SORCS2: variants seen among roughly 807,000 people sequenced by gnomAD.
The protein encoded by SORCS2 is VPS10 domain-containing receptor SorCS2.
SORCS2 carries 100 observed loss-of-function variants against 141.6 expected under a neutral mutation model. That is an observed-to-expected ratio of 0.71 (90% CI 0.60 to 0.83). The LOEUF is 0.83. Among genes scored for constraint, SORCS2 ranks in the 40% least tolerant of loss-of-function variants. SORCS2 has a pLI of 0.00. For missense variants in SORCS2, 1,646 were observed against 1,560.2 expected, an observed-to-expected ratio of 1.05 and a Z score of -0.93; for synonymous variants, 789 against 676.9, an observed-to-expected ratio of 1.17 and a Z score of -2.57.
chr4:7,585,400 C>A (rs1366548350), intron 3 of SORCS2, among the ~76,000 whole-genome samples: 4 of 152,172 alleles, frequency 2.6e-5, no homozygotes, highest in Non-Finnish European at 4.4e-5. Context: ...GAAAAGGGAA[C>A]CCAGCCTGAG....
chr4:7,483,329 A>AT (rs1472401163), intron 2 of SORCS2, among the ~76,000 whole-genome samples: 2 of 151,434 alleles, frequency 1.3e-5, no homozygotes, highest in African/African-American at 4.9e-5. Flanking sequence ...TCTCAAAAAA[A>AT]AAAAAAAAAA....
At chr4:7,602,751 C>G (rs1269596007) in intron 3 of SORCS2, among the ~76,000 whole-genome samples, 1 of 151,862 alleles carries the variant, frequency 6.6e-6, no homozygotes, top group Non-Finnish European at 1.5e-5. Context: ...ACTTCCCAGA[C>G]GGGGTGGCGG....
chr4:7,570,435 G>A (rs1349990548), intron 3 of SORCS2, among the ~76,000 whole-genome samples: 8 of 152,234 alleles, frequency 5.3e-5, no homozygotes, highest in Non-Finnish European at 7.3e-5. Flanking sequence ...CTGAGGGTTC[G>A]CTGGGTGCTC....
intron 3 of SORCS2, among the ~76,000 whole-genome samples, chr4:7,602,544 TTCCTAGATGGGATGGCGGCG>T (rs1717783467): frequency 6.9e-6 from 1 of 144,352 alleles, no homozygotes; most frequent in African/African-American, 2.6e-5. Flanking sequence ...CGCTCCTCAC[TTCCTAGATGGGATGGCGGCG>T]GCCGGGAAGA....
At chr4:7,641,323 CT>C (rs1289928977) in intron 4 of SORCS2, among the ~76,000 whole-genome samples, 1 of 152,182 alleles carries the variant, frequency 6.6e-6, no homozygotes, top group Non-Finnish European at 1.5e-5. Flanking sequence ...CAGGCATCAT[CT>C]TCACAAGGCA....
rs371810846 is a variant in SORCS2 at position 7,440,303 on chromosome 4, T to C, written c.548+43948T>C. On this transcript the variant is annotated intron_variant, in intron 2 of 26. Transcript: ENST00000507866. ...GAGCTCTCTCCCCAAATAATTGTTC[T>C]GGGGGGACAGAGTCTGCCTGCGGCT... Among the ~76,000 whole-genome samples, 3 of 152,308 alleles carry C rather than the reference T, an allele frequency of 2.0e-5. No homozygotes were observed. In the East Asian group the frequency reaches 5.8e-4, roughly 29 times the overall value.
chr4:7,499,761 A>AG (rs1731847291), intron 2 of SORCS2, among the ~76,000 whole-genome samples: 4 of 67,116 alleles, frequency 6.0e-5, no homozygotes. Flanking sequence ...TCTGGAGAGA[A>AG]ACCCCACAAG....
chr4:7,733,532 G>T (rs1027227301), intron 24 of SORCS2, 111 bp downstream of exon 24: 5 of 883,698 alleles, frequency 5.7e-6, no homozygotes, highest in Non-Finnish European at 6.8e-6. Context: ...CCCTCCTGGT[G>T]GGTGTTCGCC....
intron 1 of SORCS2, among the ~76,000 whole-genome samples, chr4:7,377,396 C>T (rs773284677): frequency 6.6e-5 from 10 of 152,058 alleles, no homozygotes; most frequent in Non-Finnish European, 8.8e-5. Context: ...GGTCTGATTC[C>T]GGTGGAAGGG....
chr4:7,459,598 C>G (rs1420630571), intron 2 of SORCS2, among the ~76,000 whole-genome samples: 1 of 152,206 alleles, frequency 6.6e-6, no homozygotes, highest in Non-Finnish European at 1.5e-5. Flanking sequence ...AGGCAGCCGC[C>G]TCTCAGAGCT....
rs1280791973 is a variant in SORCS2 at position 7,386,704 on chromosome 4, TAC to T, written c.481-9582_481-9581del. Among the ~76,000 whole-genome samples the T allele has an allele frequency of 5.2e-5, 7 of 133,538 alleles. No homozygotes were observed. The East Asian group carries it at 6.9e-4, about 13-fold the overall frequency. The allele number at this position is 133,538 out of a possible 152,430, so 87.6% of individuals were successfully genotyped here. On this transcript the variant is annotated intron_variant, in intron 1 of 26. Transcript: ENST00000507866. ...ATGCATGCACACATGCACACACAGA[TAC>T]AGAGATACACATGCACATACATACA...
chr4:7,726,886 G>A lies in SORCS2; in HGVS notation c.2852G>A (p.Arg951Lys). ...ACGNSVLQDS[R>K]VLRVLDQFQV... ...GGGAACTCGGTGCTGCAGGACTCCA[G>A]GGTCCTCCGTGTGCTGGGTAAGTAC... The change falls in exon 21 of 27, where the codon AGG (arginine) becomes AAG (lysine). Residue 951 changes from arginine to lysine, a missense_variant. Coordinates refer to ENST00000507866, the MANE Select transcript of SORCS2 (RefSeq NM_020777.3). 1.2e-6 allele frequency: 2 copies of A among 1,613,642 alleles called. No individual in the cohort carries two copies. Among genetic ancestry groups the A allele is most frequent in the East Asian group, 2.2e-5 (1 of 44,874 alleles).
In SORCS2 at chr4:7,499,744, G is replaced by A. The variant is rs186147040; in HGVS notation, c.549-31786G>A. ...CGTCTGCCTTCCTCGCTCCTCAAACGCTGGCATCTGGAGAGAAACCCCACA... is the reference window on the plus strand; with the variant it reads ...CGTCTGCCTTCCTCGCTCCTCAAACACTGGCATCTGGAGAGAAACCCCACA... On this transcript the variant is annotated intron_variant, in intron 2 of 26. Coordinates refer to ENST00000507866, the MANE Select transcript of SORCS2 (RefSeq NM_020777.3). Among the ~76,000 whole-genome samples the A allele has an allele frequency of 2.9e-3, 323 of 109,986 alleles. 2 individuals carry two copies. The highest frequency in any genetic ancestry group is 1.8e-3 in the Non-Finnish European group (100 of 54,360). The allele number at this position is 109,986 out of a possible 152,430, so 72.2% of individuals were successfully genotyped here. A position where few individuals can be genotyped will look rare whatever the true frequency, so the allele number is the denominator to read the frequency against.
chr4:7,347,760 A>C (rs1278671424), intron 1 of SORCS2, among the ~76,000 whole-genome samples: 1 of 152,224 alleles, frequency 6.6e-6, no homozygotes, highest in Non-Finnish European at 1.5e-5. Flanking sequence ...AATTTTCTGT[A>C]GTTAGTACAT....
At chr4:7,337,397 C>T (rs150530233) in intron 1 of SORCS2, among the ~76,000 whole-genome samples, 221 of 152,246 alleles carry the variant, frequency 1.5e-3, no homozygotes, top group African/African-American at 4.6e-3. Context: ...GAGAAGGTGC[C>T]CGCACTGGAT....
chr4:7,413,368 G>A (rs549430775), intron 2 of SORCS2, among the ~76,000 whole-genome samples: 1 of 131,246 alleles, frequency 7.6e-6, no homozygotes, highest in African/African-American at 2.6e-5. Context: ...ATGTTCTTAT[G>A]ATCCTCCGTA....
At chr4:7,682,930 G>A (rs1447030974) in intron 10 of SORCS2, 41 bp downstream of exon 10, 6 of 1,597,552 alleles carry the variant, frequency 3.8e-6, no homozygotes, top group Non-Finnish European at 5.1e-6. Flanking sequence ...CCTTGGCGTG[G>A]ATGCTAGATA....
At chr4:7,434,383 A>G (rs1254385917) in intron 2 of SORCS2, 4 of 1,607,492 alleles carry the variant, frequency 2.5e-6, no homozygotes, top group Non-Finnish European at 3.4e-6. Flanking sequence ...CCCATTGGCC[A>G]TGAACGGAGC....
At chr4:7,424,566 A>G (rs1726295213) in intron 2 of SORCS2, among the ~76,000 whole-genome samples, 1 of 152,220 alleles carries the variant, frequency 6.6e-6, no homozygotes, top group Admixed American at 6.5e-5. Flanking sequence ...TGTGGGTAAC[A>G]GAGCCCTCCT....
Sources: allele counts gnomAD v4.1 joint callset (sites outside exome capture counted in the v4.1 genomes callset), GRCh38; gene constraint gnomAD v4.1.1; transcripts MANE v1.5; gene names NCBI Gene and HGNC (gene_info 2026-07-23, HGNC 2026-07-21).